TNC: variants seen among roughly 807,000 people sequenced by gnomAD.
TNC encodes tenascin C, also known as tenascin.
A neutral mutation model predicts 202.4 loss-of-function variants in TNC; 109 were observed. The observed-to-expected ratio is 0.54, with a 90% CI of 0.46 to 0.63. The LOEUF (loss-of-function observed/expected upper bound fraction) is 0.63, where lower values mean the gene tolerates loss of function less well. TNC is among the 30% of genes least tolerant of loss of function. TNC has a pLI of 0.00. For synonymous variants in TNC, 1,007 were observed against 1,089.7 expected (o/e 0.92, Z 1.50); for missense variants, 2,756 against 2,833.3 (o/e 0.97, Z 0.62).
chr9:115,064,839 G>T lies in TNC; in HGVS notation c.3295C>A (p.Gln1099Lys), dbSNP rs1564460565. 4 of 1,614,134 alleles carry T rather than the reference G, an allele frequency of 2.5e-6. No individual in the cohort carries two copies. Among genetic ancestry groups the T allele is most frequent in the Middle Eastern group, 1.6e-4 (1 of 6,062 alleles). Reference sequence around the variant, plus strand: ...TGAATGATAAAGTGCTCATAGGCCTGGTCAGCTGCGGTCCAGTTGAGTCTG... The same window carrying T: ...TGAATGATAAAGTGCTCATAGGCCTTGTCAGCTGCGGTCCAGTTGAGTCTG... Reference protein sequence around the residue: ...GLRLNWTAADQAYEHFIIQVQ... With the variant: ...GLRLNWTAADKAYEHFIIQVQ... The change falls in exon 11 of 28, where the codon CAG becomes AAG. Residue 1099 changes from glutamine to lysine, a missense_variant. Gln to Lys is a moderately conservative substitution (Grantham distance 53). This residue lies in a region of TNC where 2,559 missense variants were observed against 2,546.0 expected (regional missense o/e 1.01). Coordinates refer to ENST00000350763, the MANE Select transcript of TNC (RefSeq NM_002160.4).
At chr9:115,041,246 G>A (rs1830713250) in intron 18 of TNC, among the ~76,000 whole-genome samples, 162 bp from the exon 19 acceptor site, 1 of 144,874 alleles carries the variant, frequency 6.9e-6, no homozygotes. Context: ...CATAAGGGAA[G>A]AAGGCTTACT....
intron 14 of TNC, among the ~76,000 whole-genome samples, chr9:115,058,236 G>C (rs1241140094): frequency 6.6e-6 from 1 of 152,146 alleles, no homozygotes; most frequent in Non-Finnish European, 1.5e-5. Flanking sequence ...ACATGCAGAG[G>C]GCAGGTAGGA....
intron 10 of TNC, among the ~76,000 whole-genome samples, chr9:115,071,001 G>A (rs1183276407): frequency 6.6e-6 from 1 of 152,182 alleles, no homozygotes; most frequent in African/African-American, 2.4e-5. Context: ...TGTCTCCTGA[G>A]CACTGGCTGC....
intron 1 of TNC, among the ~76,000 whole-genome samples, chr9:115,094,808 C>T (rs1362855683): frequency 7.3e-6 from 1 of 137,548 alleles, no homozygotes; most frequent in African/African-American, 2.7e-5. Flanking sequence ...AAGGACAGAA[C>T]AAGTGCCTCT....
rs548392482 is a variant in TNC at position 115,059,770 on chromosome 9, C to T, written c.4266G>A (p.Arg1422=). 6.2e-7 allele frequency: 1 copy of T among 1,613,632 alleles called. No homozygotes were observed. The highest frequency in any genetic ancestry group is 1.3e-5 in the African/African-American group (1 of 75,022). The part of the protein sequence containing the change: ...PYRVSIYGVI[R]GYRTPVLSAE... ...CAGAGAGTACTGGTGTTCTATAGCC[C>T]CGGATCACCCCATAGATGGAGACTC... Residue 1422 remains arginine, a synonymous_variant, in exon 14 of 28, where the codon CGG becomes CGA. Transcript: ENST00000350763.
At chr9:115,085,534 G>A (rs549023059) in intron 3 of TNC, among the ~76,000 whole-genome samples, 2 of 152,214 alleles carry the variant, frequency 1.3e-5, no homozygotes, top group South Asian at 2.1e-4. Context: ...AACACTAGAT[G>A]TGTTCTGGCC....
Position 115,021,082 on chromosome 9 carries a change from G to C in TNC, c.*75C>G. 7.9e-7 allele frequency: 1 copy of C among 1,260,686 alleles called. No homozygotes were observed. 78.1% of individuals were successfully genotyped at this position (1,260,686 alleles called of 1,614,324 possible). ...CAGGTGTGGACCGATGGTTGGGCTG[G>C]TTGTATTGATGCTTTGGTAAAATCC... is the stretch of plus-strand genomic sequence containing the variant. On this transcript the variant is annotated 3_prime_UTR_variant, in exon 28 of 28. Coordinates refer to ENST00000350763, the MANE Select transcript of TNC (RefSeq NM_002160.4).
chr9:115,037,977 A>C (rs1351115268), intron 20 of TNC, among the ~76,000 whole-genome samples: 2 of 152,194 alleles, frequency 1.3e-5, no homozygotes, highest in Non-Finnish European at 2.9e-5. Flanking sequence ...CTGTTTCCTA[A>C]ACGGGGTGTC....
intron 1 of TNC, among the ~76,000 whole-genome samples, chr9:115,110,872 G>A (rs1836987116): frequency 7.9e-6 from 1 of 126,040 alleles, no homozygotes; most frequent in Admixed American, 1.0e-4. Context: ...TTTAGTGGCT[G>A]CCAGAATTTT....
intron 7 of TNC, among the ~76,000 whole-genome samples, chr9:115,077,264 G>C (rs1318708378): frequency 2.0e-5 from 3 of 151,976 alleles, no homozygotes; most frequent in Non-Finnish European, 4.4e-5. Context: ...CACTGTGTTA[G>C]CCAGAATGGT....
rs566358934 is a variant in TNC at position 115,091,244 on chromosome 9, C to G, written c.-136-90G>C. The G allele has an allele frequency of 1.2e-4, 64 of 540,812 alleles. 1 individual carries two copies. The South Asian group carries it at 1.5e-3, about 13-fold the overall frequency. The allele number at this position is 540,812 out of a possible 1,614,324, so 33.5% of individuals were successfully genotyped here. On this transcript the variant is annotated intron_variant, in intron 1 of 27. Coordinates refer to ENST00000350763, the MANE Select transcript of TNC (RefSeq NM_002160.4). Reference sequence around the variant, plus strand: ...TTCCAAGTGAATTTTGATTTTATATCCCTGTATTTGAAGCTCTCCTGATAA... The same window carrying G: ...TTCCAAGTGAATTTTGATTTTATATGCCTGTATTTGAAGCTCTCCTGATAA...
At chr9:115,077,247 G>A (rs911456446) in intron 7 of TNC, among the ~76,000 whole-genome samples, 10 of 152,058 alleles carry the variant, frequency 6.6e-5, no homozygotes, top group Non-Finnish European at 1.0e-4. Context: ...TAGTAGAGAC[G>A]GGGTTTCACT....
intron 5 of TNC, 41 bp downstream of exon 5, chr9:115,082,651 A>G (rs1306660524): frequency 3.4e-6 from 5 of 1,457,932 alleles, no homozygotes; most frequent in Admixed American, 3.4e-5. Context: ...CATCTTTCAA[A>G]TCCTTGAGAT....
At chr9:115,030,468 T>C (rs1588003178) in intron 23 of TNC, 63 bp from the exon 24 acceptor site, 1 of 1,522,676 alleles carries the variant, frequency 6.6e-7, no homozygotes, top group East Asian at 2.4e-5. Context: ...AGCTTAATTC[T>C]TAGCTTAACT....
intron 15 of TNC, among the ~76,000 whole-genome samples, chr9:115,049,303 A>G (rs1831461563): frequency 6.6e-6 from 1 of 152,140 alleles, no homozygotes; most frequent in Non-Finnish European, 1.5e-5. Flanking sequence ...GGGATATCCA[A>G]AAGGAGTGAG....
intron 1 of TNC, among the ~76,000 whole-genome samples, chr9:115,101,413 A>G (rs1036684358): frequency 1.2e-4 from 19 of 152,152 alleles, no homozygotes; most frequent in African/African-American, 4.6e-4. Flanking sequence ...GGATTTCATC[A>G]TGTTGACCAG....
chr9:115,063,816 A>T lies in TNC; in HGVS notation c.3740T>A (p.Leu1247His), dbSNP rs771601256. ...GVTQDFSTTP[L>H]SVEVLTEEVP... is the part of the protein sequence containing the mutation. ...AATACCTGTCAAGACTTCAACAGAG[A>T]GAGGGGTTGTGCTGAAGTCCTGAGT... The change falls in exon 12 of 28, where the codon CTC becomes CAC. Residue 1247 changes from leucine (L) to histidine (H), a missense_variant. Around this residue, in one of 2 missense-constraint regions of TNC, gnomAD observed 2,559 missense variants for 2,546.0 expected, o/e 1.01. Coordinates refer to ENST00000350763, the MANE Select transcript of TNC (RefSeq NM_002160.4). The T allele has an allele frequency of 1.9e-6, 3 of 1,613,144 alleles. No individual in the cohort carries two copies. The highest frequency in any genetic ancestry group is 2.5e-6 in the Non-Finnish European group (3 of 1,179,228).
At chr9:115,045,807 G>C (rs1266678988) in intron 17 of TNC, among the ~76,000 whole-genome samples, 1 of 151,806 alleles carries the variant, frequency 6.6e-6, no homozygotes, top group African/African-American at 2.4e-5. Flanking sequence ...CAAAGTTAGA[G>C]AGCTTCATAA....
chr9:115,082,055 G>A, intron 5 of TNC, 127 bp from the exon 6 acceptor site: 2 of 849,568 alleles, frequency 2.4e-6, no homozygotes, highest in South Asian at 3.8e-5. Flanking sequence ...CACTTACTAT[G>A]CATCAGATCA....
Sources: gnomAD v4.1 joint callset for allele counts (sites outside exome capture counted in the v4.1 genomes callset) on GRCh38, gnomAD v4.1.1 for gene constraint, gnomAD v4.1.1 regional missense constraint, MANE v1.5 for transcripts, NCBI Gene and HGNC (gene_info 2026-07-23, HGNC 2026-07-21) for gene names.